Variants in PARP1 observed in about 807,000 individuals in gnomAD.
The protein encoded by PARP1 is poly(ADP-ribose) polymerase 1.
PARP1 carries 44 observed loss-of-function variants against 118.7 expected under a neutral mutation model. The ratio of observed to expected loss-of-function variants is 0.37; its 90% CI spans 0.29 to 0.48. The LOEUF (loss-of-function observed/expected upper bound fraction) is 0.48, where lower values mean the gene tolerates loss of function less well. Ranked by LOEUF, PARP1 falls within the 20% of genes least tolerant of loss-of-function variation. PARP1 has a pLI of 0.99. For missense variants in PARP1, 1,100 were observed against 1,272.4 expected, an observed-to-expected ratio of 0.86 and a Z score of 2.06; for synonymous variants, 492 against 483.2, an observed-to-expected ratio of 1.02 and a Z score of -0.24.
chr1:226,395,860 G>A lies in PARP1; in HGVS notation c.287-3546C>T, dbSNP rs543176460. Among the ~76,000 whole-genome samples, 8 of 152,314 alleles carry A rather than the reference G, an allele frequency of 5.3e-5. No individual in the cohort carries two copies. In the South Asian group the frequency reaches 1.7e-3, roughly 32 times the overall value. ...AAATACTGTCTAACTCCACTTACAT[G>A]AGGTGCTAGAGTTGTCAACTTCACA... On this transcript the variant is annotated intron_variant, in intron 2 of 22. Transcript: ENST00000366794.
At chr1:226,407,108 AG>A (rs2102749701) in intron 1 of PARP1, among the ~76,000 whole-genome samples, 1 of 152,286 alleles carries the variant, frequency 6.6e-6, no homozygotes, top group Admixed American at 6.5e-5. Context: ...AAACCTCAGA[AG>A]GGGATTCAAT....
chr1:226,398,941 A>G (rs1441035021), intron 2 of PARP1, among the ~76,000 whole-genome samples: 1 of 152,234 alleles, frequency 6.6e-6, no homozygotes, highest in Non-Finnish European at 1.5e-5. Flanking sequence ...GTTCATAATC[A>G]CCAAAACTTG....
chr1:226,383,710 T>C (rs1345913475), intron 7 of PARP1, among the ~76,000 whole-genome samples: 1 of 152,368 alleles, frequency 6.6e-6, no homozygotes, highest in Non-Finnish European at 1.5e-5. Context: ...GTATTCACTA[T>C]AAATTCTTCC....
At chr1:226,364,310 T>C (rs956915309) in intron 19 of PARP1, 3 of 465,380 alleles carry the variant, frequency 6.4e-6, no homozygotes, top group Non-Finnish European at 1.2e-5. Context: ...TGGACTCTAC[T>C]TGCCTCTTTT....
chr1:226,406,405 G>C (rs4653732), intron 1 of PARP1, among the ~76,000 whole-genome samples: 34,276 of 152,116 alleles, frequency 0.23, 4,637 homozygotes, highest in African/African-American at 0.37. Context: ...GTAAGTTCTA[G>C]GTTCCTTAGT....
At chr1:226,361,883 GC>G in intron 22 of PARP1, 85 bp downstream of exon 22, 2 of 829,356 alleles carry the variant, frequency 2.4e-6, no homozygotes, top group Middle Eastern at 2.2e-4. Flanking sequence ...ATCCTTGTCT[GC>G]CCCAGGTAAT....
chr1:226,392,511 G>A, intron 2 of PARP1, 197 bp from the exon 3 acceptor site: 1 of 617,696 alleles, frequency 1.6e-6, no homozygotes, highest in South Asian at 1.8e-5. Context: ...GGAGATAAAT[G>A]ACCCTTCTCA....
At position 226,402,127 on chromosome 1, in the gene PARP1, G is replaced by GA. The variant is rs779338804; in HGVS notation, c.286+86dup. 7.4e-6 allele frequency: 12 copies of GA among 1,611,606 alleles called. No homozygotes were observed. In the African/African-American group the frequency reaches 1.6e-4, roughly 21 times the overall value. On this transcript the variant is annotated intron_variant, in intron 2 of 22. Coordinates refer to ENST00000366794, the MANE Select transcript of PARP1 (RefSeq NM_001618.4). The stretch of plus-strand genomic sequence containing the variant: ...ACATGTGGGAGAGGGCAAGCTGGGG[G>GA]AGGTTTGCTTTGCTCTCTGAGACGA...
chr1:226,370,466 C>T lies in PARP1; in HGVS notation c.2122G>A (p.Ala708Thr), dbSNP rs1664358283. Reference sequence around the variant, plus strand: ...ACCTCACTGAGGATGGAGTATGCGGCCTGGATCTGCCTTTTGCTCAGCTTC... The same window carrying T: ...ACCTCACTGAGGATGGAGTATGCGGTCTGGATCTGCCTTTTGCTCAGCTTC... ...LGKLSKRQIQ[A>T]AYSILSEVQQ... Residue 708 changes from alanine to threonine, a missense_variant, in exon 15 of 23, where the codon GCC becomes ACC. By Grantham distance (58) the Ala-to-Thr change is moderately conservative. Around this residue, in one of 2 missense-constraint regions of PARP1, gnomAD observed 948 missense variants for 1,031.8 expected, o/e 0.92. Coordinates refer to ENST00000366794, the MANE Select transcript of PARP1 (RefSeq NM_001618.4). The T allele has an allele frequency of 2.5e-6, 4 of 1,614,054 alleles. No homozygotes were observed. The East Asian group carries it at 8.9e-5, about 36-fold the overall frequency.
Position 226,369,023 on chromosome 1 carries a change from G to C in PARP1, c.2155-702C>G, listed in dbSNP as rs3219116. 3.3e-4 allele frequency among the ~76,000 whole-genome samples: 50 copies of C among 152,364 alleles called. No homozygotes were observed. The South Asian group carries it at 1.0e-2, about 30-fold the overall frequency. ...AAGCCCCACGCCTGCTTCTCGCTGT[G>C]ACATGGACTTCACCAAGTTGTACAA... On this transcript the variant is annotated intron_variant, in intron 15 of 22. Coordinates refer to ENST00000366794, the MANE Select transcript of PARP1 (RefSeq NM_001618.4).
intron 14 of PARP1, among the ~76,000 whole-genome samples, chr1:226,373,571 C>G (rs1464239732): frequency 6.6e-6 from 1 of 152,190 alleles, no homozygotes; most frequent in Admixed American, 6.5e-5. Context: ...AAACACGGAG[C>G]CTCTGCCTGC....
chr1:226,366,259 T>G, intron 17 of PARP1: 1 of 568,576 alleles, frequency 1.8e-6, no homozygotes, highest in Admixed American at 3.0e-5. Flanking sequence ...CTTCATCTAC[T>G]TGGGCTGCTA....
At chr1:226,380,858 T>C (rs1210464429) in intron 9 of PARP1, among the ~76,000 whole-genome samples, 1 of 152,182 alleles carries the variant, frequency 6.6e-6, no homozygotes, top group African/African-American at 2.4e-5. Flanking sequence ...TTACCGTCTT[T>C]AGTTGAGAAC....
chr1:226,370,572 A>C, intron 14 of PARP1, 55 bp from the exon 15 acceptor site: 2 of 1,431,732 alleles, frequency 1.4e-6, no homozygotes, highest in Non-Finnish European at 2.0e-6. Flanking sequence ...GTGTGATCGC[A>C]GGAGAGCTGG....
chr1:226,402,049 C>A, intron 2 of PARP1, 165 bp downstream of exon 2: 1 of 1,537,212 alleles, frequency 6.5e-7, no homozygotes, highest in Admixed American at 2.0e-5. Context: ...ACAGATGATG[C>A]TGAGTCCAGG....
In PARP1 at chr1:226,390,610, C is replaced by T. The variant is rs2102741197; in HGVS notation, c.417G>A (p.Leu139=). ...MEKIEKGQVR[L]SKKMVDPEKP... ...TCTCCGGGTCCACCATCTTCTTGGACAGGCGCACCTGGCCCTGCAGGAAAA... is the reference window on the plus strand; with the variant it reads ...TCTCCGGGTCCACCATCTTCTTGGATAGGCGCACCTGGCCCTGCAGGAAAA... The change falls in exon 4 of 23, where the codon CTG becomes CTA. Residue 139 remains leucine (L), a synonymous_variant. Coordinates refer to ENST00000366794, the MANE Select transcript of PARP1 (RefSeq NM_001618.4). 2 of 1,614,146 alleles carry T rather than the reference C, an allele frequency of 1.2e-6. No homozygotes were observed. The highest frequency in any genetic ancestry group is 1.7e-6 in the Non-Finnish European group (2 of 1,179,994).
At chr1:226,363,368 C>T (rs865848501) in intron 20 of PARP1, among the ~76,000 whole-genome samples, 2 of 152,140 alleles carry the variant, frequency 1.3e-5, no homozygotes, top group Non-Finnish European at 2.9e-5. Context: ...TTGTGCCCAG[C>T]GATCACTGCT....
intron 2 of PARP1, among the ~76,000 whole-genome samples, chr1:226,399,905 A>C (rs1373261743): frequency 1.3e-5 from 2 of 152,226 alleles, no homozygotes; most frequent in African/African-American, 2.4e-5. Context: ...AAAAGTCTAC[A>C]TACAGAAGAA....
At chr1:226,402,487 T>C (rs1012073030) in intron 1 of PARP1, 108 bp from the exon 2 acceptor site, 17 of 1,051,452 alleles carry the variant, frequency 1.6e-5, no homozygotes, top group Middle Eastern at 2.0e-4. Flanking sequence ...AGCAGTGGGA[T>C]AGCACATGAA....
Sources: allele counts gnomAD v4.1 joint callset (sites outside exome capture counted in the v4.1 genomes callset), GRCh38; gene constraint gnomAD v4.1.1; regional missense constraint gnomAD v4.1.1; transcripts MANE v1.5; gene names NCBI Gene and HGNC (gene_info 2026-07-23, HGNC 2026-07-21).